The following ZNF407 variants were observed in gnomAD, a reference collection of about 807,000 sequenced individuals.
ZNF407 encodes zinc finger protein 407.
ZNF407 carries 17 observed loss-of-function variants against 131.2 expected under a neutral mutation model. The ratio of observed to expected loss-of-function variants is 0.13; its 90% CI spans 0.09 to 0.19. The LOEUF (loss-of-function observed/expected upper bound fraction) is 0.19, where lower values mean the gene tolerates loss of function less well. ZNF407 is among the 10% of genes least tolerant of loss of function. The pLI is 1.00. For missense variants in ZNF407, 2,681 were observed against 2,830.6 expected (o/e 0.95, Z 1.20); for synonymous variants, 1,156 against 1,062.0 (o/e 1.09, Z -1.72).
At chr18:74,890,366 T>C (rs1353318399) in intron 7 of ZNF407, among the ~76,000 whole-genome samples, 1 of 152,116 alleles carries the variant, frequency 6.6e-6, no homozygotes, top group Non-Finnish European at 1.5e-5. Context: ...TCACCCAGAG[T>C]CTATACTTTC....
intron 3 of ZNF407, among the ~76,000 whole-genome samples, chr18:74,753,798 A>G (rs1202564531): frequency 1.3e-5 from 2 of 152,114 alleles, no homozygotes; most frequent in East Asian, 3.8e-4. Context: ...CATCAGGGAT[A>G]TTGGTCTAAA....
At chr18:75,041,995 T>C (rs1973379209) in intron 8 of ZNF407, among the ~76,000 whole-genome samples, 1 of 152,218 alleles carries the variant, frequency 6.6e-6, no homozygotes, top group African/African-American at 2.4e-5. Flanking sequence ...GGTATCTGAT[T>C]GATACATATT....
chr18:74,812,722 G>T (rs569606071), intron 4 of ZNF407, among the ~76,000 whole-genome samples: 7 of 152,056 alleles, frequency 4.6e-5, no homozygotes, highest in African/African-American at 1.7e-4. Flanking sequence ...GGACATTTTC[G>T]ACCTCTGTGT....
intron 4 of ZNF407, among the ~76,000 whole-genome samples, chr18:74,792,257 G>A (rs191918292): frequency 5.9e-5 from 9 of 151,888 alleles, no homozygotes; most frequent in African/African-American, 2.2e-4. Flanking sequence ...GTTTTTTCAT[G>A]CTAATCACAC....
chr18:74,711,709 CTTATT>C (rs1283501269), intron 3 of ZNF407, among the ~76,000 whole-genome samples: 5 of 151,990 alleles, frequency 3.3e-5, no homozygotes, highest in Admixed American at 6.6e-5. Context: ...TATTCATTAG[CTTATT>C]TTATTTTATT....
chr18:75,001,139 C>T (rs1972840827), intron 8 of ZNF407, among the ~76,000 whole-genome samples: 3 of 152,162 alleles, frequency 2.0e-5, no homozygotes, highest in African/African-American at 7.2e-5. Flanking sequence ...GTGTTTGTTT[C>T]TCCAGGGCCT....
intron 3 of ZNF407, among the ~76,000 whole-genome samples, chr18:74,745,161 A>G (rs892572522): frequency 1.3e-5 from 2 of 152,154 alleles, no homozygotes; most frequent in Admixed American, 6.5e-5. Context: ...TAAAAAGGCA[A>G]CTTAATAATT....
At chr18:74,618,775 C>A (rs1983412533) in intron 1 of ZNF407, among the ~76,000 whole-genome samples, 1 of 152,098 alleles carries the variant, frequency 6.6e-6, no homozygotes, top group East Asian at 1.9e-4. Context: ...AAACTATTAA[C>A]CTTATTATAC....
chr18:74,795,660 C>T (rs1969905724), intron 4 of ZNF407, among the ~76,000 whole-genome samples: 3 of 152,220 alleles, frequency 2.0e-5, no homozygotes, highest in Admixed American at 2.0e-4. Flanking sequence ...ACCACCAGTT[C>T]AGTTCTGGGC....
In ZNF407 at chr18:74,635,839, C is replaced by A; in HGVS notation, c.4687+133C>A. On this transcript the variant is annotated intron_variant, in intron 2 of 8. Transcript: ENST00000299687. The surrounding 1 kb of genome is among the most constrained non-coding windows in gnomAD (Gnocchi z 4.7). ...CATTTCACTGCCGTGTGCTGCTCTG[C>A]TTGTCTGCAATAAGTCATTGTTGAC... 1 of 1,216,852 alleles carries A rather than the reference C, an allele frequency of 8.2e-7. No individual in the cohort carries two copies. The highest frequency in any genetic ancestry group is 1.1e-6 in the Non-Finnish European group (1 of 897,382). The allele number at this position is 1,216,852 out of a possible 1,614,324, so 75.4% of individuals were successfully genotyped here.
chr18:74,811,669 A>G (rs926659932), intron 4 of ZNF407, among the ~76,000 whole-genome samples: 1 of 151,790 alleles, frequency 6.6e-6, no homozygotes. Context: ...TGTGGCACAT[A>G]TACACCATGG....
chr18:74,996,577 G>A (rs539010103), intron 8 of ZNF407, among the ~76,000 whole-genome samples: 29 of 152,344 alleles, frequency 1.9e-4, no homozygotes, highest in South Asian at 1.0e-3. Context: ...CAGGCAGAGA[G>A]CAGCTCAGAA....
intron 3 of ZNF407, among the ~76,000 whole-genome samples, chr18:74,713,417 T>C (rs1176581288): frequency 6.7e-6 from 1 of 150,186 alleles, no homozygotes; most frequent in Non-Finnish European, 1.5e-5. Flanking sequence ...ATTGTGTTAG[T>C]ATTATGTGAT....
At chr18:74,643,388 ACT>A (rs1040510941) in intron 3 of ZNF407, among the ~76,000 whole-genome samples, 1 of 151,990 alleles carries the variant, frequency 6.6e-6, no homozygotes, top group Non-Finnish European at 1.5e-5. Flanking sequence ...AGGAACATTA[ACT>A]CTATAATTTT....
At chr18:74,942,038 G>C (rs75650921) in intron 8 of ZNF407, among the ~76,000 whole-genome samples, 7,097 of 151,592 alleles carry the variant, frequency 0.047, 559 homozygotes, top group African/African-American at 0.16. Context: ...GCTGTGGTGT[G>C]GATCTGATGG....
At chr18:74,648,972 C>T (rs1040817294) in intron 3 of ZNF407, among the ~76,000 whole-genome samples, 2 of 152,142 alleles carry the variant, frequency 1.3e-5, no homozygotes, top group Non-Finnish European at 1.5e-5. Flanking sequence ...CCCTCCGCAC[C>T]CTTGATCCCC....
intron 4 of ZNF407, among the ~76,000 whole-genome samples, chr18:74,823,041 A>G (rs1000837118): frequency 6.6e-6 from 1 of 152,080 alleles, no homozygotes; most frequent in African/African-American, 2.4e-5. Flanking sequence ...TGTGAATGGG[A>G]GTTTGCTCAT....
intron 3 of ZNF407, among the ~76,000 whole-genome samples, chr18:74,715,635 C>T (rs546246174): frequency 6.6e-6 from 1 of 152,084 alleles, no homozygotes; most frequent in East Asian, 1.9e-4. Context: ...ACTACATGCT[C>T]GAGGGTTACC....
At chr18:74,810,235 T>C (rs1309868692) in intron 4 of ZNF407, among the ~76,000 whole-genome samples, 1 of 152,054 alleles carries the variant, frequency 6.6e-6, no homozygotes, top group Non-Finnish European at 1.5e-5. Flanking sequence ...GTCAAGAAGA[T>C]GAAGTGGATG....
Sources: gnomAD v4.1 joint callset for allele counts (sites outside exome capture counted in the v4.1 genomes callset) on GRCh38, gnomAD v4.1.1 for gene constraint, Gnocchi (gnomAD v3.1) non-coding constraint, MANE v1.5 for transcripts, NCBI Gene and HGNC (gene_info 2026-07-23, HGNC 2026-07-21) for gene names.